UTP15: variants seen among roughly 807,000 people sequenced by gnomAD.
The protein encoded by UTP15 is U3 small nucleolar RNA-associated protein 15 homolog.
UTP15 carries 5 observed loss-of-function variants against 59.1 expected under a neutral mutation model. The ratio of observed to expected loss-of-function variants is 0.08; its 90% CI spans 0.04 to 0.18. The LOEUF is 0.18. UTP15 is among the 10% of genes least tolerant of loss of function. UTP15 has a pLI of 1.00. For missense variants in UTP15, 494 were observed against 616.7 expected, an observed-to-expected ratio of 0.80 and a Z score of 2.11; for synonymous variants, 211 against 212.2, an observed-to-expected ratio of 0.99 and a Z score of 0.05.
At position 73,583,153 on chromosome 5, in the gene UTP15, TC is replaced by T. The variant is rs1748372814; in HGVS notation, c.*3062del. ...AGACATTAAAAAGCCGCATGCCTGTTCCCTCAGCTATAGTTAACTGGACCAT... is the reference window on the plus strand; with the variant it reads ...AGACATTAAAAAGCCGCATGCCTGTTCCTCAGCTATAGTTAACTGGACCAT... On this transcript the variant is annotated 3_prime_UTR_variant, in exon 13 of 13. Coordinates refer to ENST00000296792, the MANE Select transcript of UTP15 (RefSeq NM_032175.4). The T allele has an allele frequency of 6.6e-6, 1 of 152,206 alleles. No individual in the cohort carries two copies. Among genetic ancestry groups the T allele is most frequent in the East Asian group, 1.9e-4 (1 of 5,190 alleles). The allele number at this position is 152,206 out of a possible 1,614,324, so 9.4% of individuals were successfully genotyped here.
chr5:73,568,287 C>CCTG lies in UTP15; in HGVS notation c.143_144insCTG (p.Pro48_Gln49insCys), dbSNP rs1420637960. 1.2e-6 allele frequency: 2 copies of CCTG among 1,611,036 alleles called. No homozygotes were observed. Among genetic ancestry groups the CCTG allele is most frequent in the African/African-American group, 2.7e-5 (2 of 74,834 alleles). ...GCAGTTTCAAAAGTAGACTTTTCTC[C>CCTG]TCAGCCTCCATATAATTATGCTGTC... On this transcript the variant is annotated inframe_insertion, in exon 3 of 13. Transcript: ENST00000296792.
At chr5:73,576,313 C>G (rs1325715936) in intron 7 of UTP15, among the ~76,000 whole-genome samples, 1 of 150,432 alleles carries the variant, frequency 6.6e-6, no homozygotes, top group South Asian at 2.1e-4. Flanking sequence ...GCCGTGTTGG[C>G]CAGGCTGGTC....
At position 73,582,255 on chromosome 5, in the gene UTP15, C is replaced by T. The variant is rs116994135; in HGVS notation, c.*2161C>T. 6.6e-6 allele frequency: 1 copy of T among 152,310 alleles called. No homozygotes were observed. The highest frequency in any genetic ancestry group is 1.9e-4 in the East Asian group (1 of 5,186). The allele number at this position is 152,310 out of a possible 1,614,324, so 9.4% of individuals were successfully genotyped here. On this transcript the variant is annotated 3_prime_UTR_variant, in exon 13 of 13. Transcript: ENST00000296792. ...CCTGCTGGGGCCTAAACTCCTCATT[C>T]CCTTTAACAAAGCTTCACTGAGTGC...
At chr5:73,572,750 G>A in intron 7 of UTP15, 126 bp downstream of exon 7, 2 of 968,172 alleles carry the variant, frequency 2.1e-6, no homozygotes, top group Non-Finnish European at 1.5e-6. Context: ...AAAAAAACCT[G>A]TTGAGTTGAA....
intron 7 of UTP15, among the ~76,000 whole-genome samples, chr5:73,576,554 A>G (rs1472562869): frequency 6.6e-6 from 1 of 151,068 alleles, no homozygotes; most frequent in Admixed American, 6.6e-5. Context: ...GGCTCACTGC[A>G]GCCTCCACCT....
At chr5:73,575,257 G>T (rs532846723) in intron 7 of UTP15, among the ~76,000 whole-genome samples, 1 of 152,308 alleles carries the variant, frequency 6.6e-6, no homozygotes, top group East Asian at 1.9e-4. Context: ...GGCAATTTGG[G>T]ACTTGATTCT....
At chr5:73,571,674 G>T (rs1171604391) in intron 6 of UTP15, among the ~76,000 whole-genome samples, 1 of 151,410 alleles carries the variant, frequency 6.6e-6, no homozygotes, top group Non-Finnish European at 1.5e-5. Context: ...GGTTGCTCAC[G>T]CCTGTAATCC....
At chr5:73,571,555 A>G (rs926531561) in intron 6 of UTP15, among the ~76,000 whole-genome samples, 3 of 148,570 alleles carry the variant, frequency 2.0e-5, no homozygotes, top group Non-Finnish European at 4.5e-5. Context: ...TGCTGTGTGT[A>G]CCTCCTTTTT....
intron 6 of UTP15, among the ~76,000 whole-genome samples, chr5:73,570,986 A>G (rs1428726907): frequency 2.0e-5 from 3 of 152,154 alleles, no homozygotes; most frequent in East Asian, 1.9e-4. Flanking sequence ...TAAAAGTTTT[A>G]ACTTATTTTT....
intron 7 of UTP15, among the ~76,000 whole-genome samples, chr5:73,574,132 A>G (rs1055017567): frequency 5.3e-5 from 8 of 151,814 alleles, no homozygotes; most frequent in African/African-American, 1.9e-4. Flanking sequence ...AGACCAGCCT[A>G]GGGAATATAG....
chr5:73,578,577 C>CT (rs1431254568), intron 9 of UTP15, among the ~76,000 whole-genome samples, 174 bp from the exon 10 acceptor site: 1 of 145,820 alleles, frequency 6.9e-6, no homozygotes, highest in Non-Finnish European at 1.5e-5. Flanking sequence ...TTTTTTTTTT[C>CT]TTTTTTTGAC....
intron 2 of UTP15, chr5:73,567,712 A>G (rs151250083): frequency 1.1e-4 from 26 of 240,236 alleles, no homozygotes; most frequent in African/African-American, 5.6e-4. Flanking sequence ...TCATATGTGT[A>G]AAGATGTTTA....
intron 1 of UTP15, among the ~76,000 whole-genome samples, chr5:73,566,454 C>T (rs569057979): frequency 1.3e-5 from 2 of 152,148 alleles, no homozygotes; most frequent in Non-Finnish European, 2.9e-5. Context: ...AAGAGTGTTC[C>T]CAAAGACCAG....
At position 73,568,309 on chromosome 5, in the gene UTP15, T is replaced by C; in HGVS notation, c.165T>C (p.Ala55=). 1 of 1,609,306 alleles carries C rather than the reference T, an allele frequency of 6.2e-7. No homozygotes were observed. Among genetic ancestry groups the C allele is most frequent in the Non-Finnish European group, 8.5e-7 (1 of 1,178,434 alleles). The change falls in exon 3 of 13, where the codon GCT becomes GCC. Residue 55 remains alanine, a synonymous_variant. Transcript: ENST00000296792. ...DFSPQPPYNY[A]VTASSRIHIY... is the part of the protein sequence containing the mutation. ...CTCCTCAGCCTCCATATAATTATGC[T>C]GTCACAGCTTCCTCAAGAGTAAGTA... is the stretch of plus-strand genomic sequence containing the variant.
Position 73,568,400 on chromosome 5 carries a change from T to TA in UTP15, c.184-19dup. 6.2e-7 allele frequency: 1 copy of TA among 1,602,594 alleles called. No homozygotes were observed. On this transcript the variant is annotated intron_variant, in intron 3 of 12. Transcript: ENST00000296792. ...ACTGATCTTGAGCCATCTGGTGAAA[T>TA]ACTGTTTTTCATCTTGTAGATTCAC...
At chr5:73,566,315 C>T (rs900679523) in intron 1 of UTP15, 1 of 187,526 alleles carries the variant, frequency 5.3e-6, no homozygotes, top group Non-Finnish European at 1.1e-5. Flanking sequence ...ATATCTGGTG[C>T]CAGTCACCAG....
rs981668622 is a variant in UTP15 at position 73,568,247 on chromosome 5, A to G, written c.103A>G (p.Ile35Val). 3.1e-6 allele frequency: 5 copies of G among 1,609,422 alleles called. No homozygotes were observed. The highest frequency in any genetic ancestry group is 2.1e-4 in the Middle Eastern group (1 of 4,678). The change falls in exon 3 of 13, where the codon ATT (isoleucine) becomes GTT (valine). Residue 35 changes from isoleucine (I) to valine (V), a missense_variant. Transcript: ENST00000296792. The part of the protein sequence containing the change: ...YWNNYKTPVQ[I>V]KEFGAVSKVD... Reference sequence around the variant, plus strand: ...ATTTTTTATTAAGACCCCTGTTCAGATTAAGGAATTTGGTGCAGTTTCAAA... The same window carrying G: ...ATTTTTTATTAAGACCCCTGTTCAGGTTAAGGAATTTGGTGCAGTTTCAAA...
chr5:73,571,546 G>T (rs1418545956), intron 6 of UTP15, among the ~76,000 whole-genome samples: 3 of 150,960 alleles, frequency 2.0e-5, no homozygotes, highest in Non-Finnish European at 4.4e-5. Context: ...CATATATATT[G>T]CTGTGTGTAC....
intron 5 of UTP15, 108 bp downstream of exon 5, chr5:73,569,783 G>T: frequency 1.1e-6 from 1 of 895,948 alleles, no homozygotes; most frequent in South Asian, 2.2e-5. Context: ...TTTTATAAAG[G>T]AATATGTTTC....
Sources: gnomAD v4.1 joint callset for allele counts (sites outside exome capture counted in the v4.1 genomes callset) on GRCh38, gnomAD v4.1.1 for gene constraint, MANE v1.5 for transcripts, NCBI Gene and HGNC (gene_info 2026-07-23, HGNC 2026-07-21) for gene names.